The following AHI1 variants were observed in gnomAD, a reference collection of about 807,000 sequenced individuals.
AHI1 encodes the protein Abelson helper integration site 1.
A neutral mutation model predicts 149.3 loss-of-function variants in AHI1; 123 were observed. The observed-to-expected ratio is 0.82, with a 90% CI of 0.71 to 0.96. The LOEUF is 0.96. Ranked by LOEUF, AHI1 falls within the 40% of genes least tolerant of loss-of-function variation. AHI1 has a pLI of 0.00. For synonymous variants in AHI1, 475 were observed against 459.8 expected, an observed-to-expected ratio of 1.03 and a Z score of -0.42; for missense variants, 1,439 against 1,422.7, an observed-to-expected ratio of 1.01 and a Z score of -0.18.
chr6:135,489,956 G>A, intron 5 of AHI1: 1 of 409,870 alleles, frequency 2.4e-6, no homozygotes, highest in Non-Finnish European at 4.3e-6. Flanking sequence ...TTTCTGTGAG[G>A]ACAGAAGAGA....
intron 20 of AHI1, among the ~76,000 whole-genome samples, chr6:135,426,226 A>C (rs1480454844): frequency 6.6e-6 from 1 of 151,716 alleles, no homozygotes; most frequent in Non-Finnish European, 1.5e-5. Flanking sequence ...GTTGCTTGGC[A>C]ATTCTACCAT....
At chr6:135,495,630 G>A (rs1795853080) in intron 3 of AHI1, 184 bp downstream of exon 3, 1 of 152,198 alleles carries the variant, frequency 6.6e-6, no homozygotes, top group South Asian at 2.1e-4. Flanking sequence ...TTTCACCCTG[G>A]TAAAATGTTC....
intron 5 of AHI1, among the ~76,000 whole-genome samples, chr6:135,478,241 A>G (rs113796650): frequency 3.3e-5 from 5 of 152,344 alleles, no homozygotes; most frequent in South Asian, 2.1e-4. Flanking sequence ...AACAGTTTGA[A>G]GGGCTCAGAA....
chr6:135,481,874 A>AT (rs897281659), intron 5 of AHI1, among the ~76,000 whole-genome samples: 10 of 148,662 alleles, frequency 6.7e-5, no homozygotes, highest in African/African-American at 9.8e-5. Flanking sequence ...TAGGTTGACA[A>AT]TTTTTTTTTC....
At chr6:135,378,754 A>C (rs1438786606) in intron 23 of AHI1, among the ~76,000 whole-genome samples, 2 of 152,188 alleles carry the variant, frequency 1.3e-5, no homozygotes, top group Admixed American at 1.3e-4. Flanking sequence ...AAGAAAGGTA[A>C]ATTTATAATT....
chr6:135,304,952 C>A (rs537085316), intron 26 of AHI1: 2 of 152,084 alleles, frequency 1.3e-5, no homozygotes, highest in Admixed American at 1.3e-4. Flanking sequence ...TAAAAACTTA[C>A]GAGATTTGGA....
At chr6:135,378,005 G>A (rs560269438) in intron 23 of AHI1, among the ~76,000 whole-genome samples, 2 of 152,082 alleles carry the variant, frequency 1.3e-5, no homozygotes, top group East Asian at 3.9e-4. Flanking sequence ...GAAAATTACT[G>A]TCCCAACCAG....
intron 23 of AHI1, among the ~76,000 whole-genome samples, chr6:135,366,908 A>C (rs1266727814): frequency 6.6e-6 from 1 of 152,166 alleles, no homozygotes; most frequent in African/African-American, 2.4e-5. Context: ...GATTGTAGGC[A>C]TTTACGGCTA....
chr6:135,315,779 C>A (rs950890242), intron 26 of AHI1, among the ~76,000 whole-genome samples: 6 of 152,182 alleles, frequency 3.9e-5, no homozygotes, highest in African/African-American at 1.4e-4. Context: ...GTGCTCCTAT[C>A]TCACTCCTTT....
intron 3 of AHI1, 87 bp downstream of exon 3, chr6:135,495,724 AGAG>A (rs1795870738): frequency 6.6e-6 from 1 of 152,282 alleles, no homozygotes; most frequent in Non-Finnish European, 1.5e-5. Context: ...GAAAGAAAAG[AGAG>A]GAGAAGAAGA....
chr6:135,445,599 A>G (rs1787050251), intron 13 of AHI1, among the ~76,000 whole-genome samples: 1 of 152,028 alleles, frequency 6.6e-6, no homozygotes, highest in African/African-American at 2.4e-5. Flanking sequence ...AAGAGATGGG[A>G]TCTCATTCTG....
At chr6:135,477,112 C>G in intron 5 of AHI1, among the ~76,000 whole-genome samples, 1 of 149,698 alleles carries the variant, frequency 6.7e-6, no homozygotes, top group East Asian at 2.0e-4. Flanking sequence ...GTGATCTCGG[C>G]TCACTGCAAG....
At chr6:135,380,936 T>G (rs965169384) in intron 23 of AHI1, among the ~76,000 whole-genome samples, 2 of 152,110 alleles carry the variant, frequency 1.3e-5, no homozygotes, top group African/African-American at 4.8e-5. Flanking sequence ...CATGATGATT[T>G]AGAAAAAGAT....
intron 19 of AHI1, 80 bp from the exon 20 acceptor site, chr6:135,427,387 T>C (rs879299995): frequency 1.4e-5 from 18 of 1,264,238 alleles, no homozygotes; most frequent in Non-Finnish European, 1.9e-5. Context: ...TATTCTGCCA[T>C]TTATTAGAAA....
Position 135,490,609 on chromosome 6 carries a change from G to C in AHI1, c.135+14C>G. The stretch of plus-strand genomic sequence containing the variant: ...CATATGTAAATCACTATTACCCAAT[G>C]ATCATTTACTTACTGAGATGTTTTC... On this transcript the variant is annotated intron_variant, in intron 5 of 28. Coordinates refer to ENST00000265602, the MANE Select transcript of AHI1 (RefSeq NM_001134831.2). 1 of 1,613,264 alleles carries C rather than the reference G, an allele frequency of 6.2e-7. No homozygotes were observed. Among genetic ancestry groups the C allele is most frequent in the Non-Finnish European group, 8.5e-7 (1 of 1,179,616 alleles).
intron 27 of AHI1, among the ~76,000 whole-genome samples, chr6:135,299,174 T>C (rs1425912523): frequency 6.6e-6 from 1 of 152,220 alleles, no homozygotes; most frequent in African/African-American, 2.4e-5. Flanking sequence ...GGAGAGATTA[T>C]AGAAAGAATT....
chr6:135,490,554 T>A (rs1011133174), intron 5 of AHI1, 69 bp downstream of exon 5: 3 of 1,573,872 alleles, frequency 1.9e-6, no homozygotes, highest in Admixed American at 3.5e-5. Context: ...AATTTTAACA[T>A]AAAATGCAGC....
chr6:135,313,024 T>A (rs1441172087), intron 26 of AHI1, among the ~76,000 whole-genome samples: 1 of 152,200 alleles, frequency 6.6e-6, no homozygotes. Flanking sequence ...AAACCATATA[T>A]ATTTTAATAA....
intron 11 of AHI1, among the ~76,000 whole-genome samples, chr6:135,450,549 G>T (rs1033262951): frequency 6.6e-6 from 1 of 152,140 alleles, no homozygotes; most frequent in African/African-American, 2.4e-5. Context: ...TTGAGTAATA[G>T]ATATGTTCAG....
Sources: allele counts gnomAD v4.1 joint callset (sites outside exome capture counted in the v4.1 genomes callset), GRCh38; gene constraint gnomAD v4.1.1; transcripts MANE v1.5; gene names NCBI Gene and HGNC (gene_info 2026-07-23, HGNC 2026-07-21).